The following AKR1C1 variants were observed in gnomAD, a reference collection of about 807,000 sequenced individuals.
AKR1C1 encodes aldo-keto reductase family 1 member C1, also known as 20 alpha-hydroxysteroid dehydrogenase.
AKR1C1 carries 32 observed loss-of-function variants against 40.6 expected under a neutral mutation model. The observed-to-expected ratio is 0.79, with a 90% CI of 0.60 to 1.06. The LOEUF is 1.06. Among genes scored for constraint, AKR1C1 ranks in the 50% least tolerant of loss-of-function variants. The pLI, the probability that AKR1C1 is intolerant of heterozygous loss-of-function variation, is 0.00. For synonymous variants in AKR1C1, 105 were observed against 134.2 expected (o/e 0.78, Z 1.50); for missense variants, 320 against 363.5 (o/e 0.88, Z 0.97).
At chr10:4,965,737 C>T in intron 1 of AKR1C1, 177 bp from the exon 2 acceptor site, 1 of 677,988 alleles carries the variant, frequency 1.5e-6, no homozygotes, top group South Asian at 2.8e-5. Flanking sequence ...CCTGCTGTGC[C>T]CAACCTTTAT....
At position 4,978,476 on chromosome 10, in the gene AKR1C1, G is replaced by C. The variant is rs1336564061; in HGVS notation, c.*734G>C. 1 of 151,968 alleles carries C rather than the reference G, an allele frequency of 6.6e-6. No individual in the cohort carries two copies. The highest frequency in any genetic ancestry group is 1.5e-5 in the Non-Finnish European group (1 of 68,018). 9.4% of individuals were successfully genotyped at this position (151,968 alleles called of 1,614,324 possible). ...CCACATTGTTTTAACAAACCCCACA[G>C]CTGAGAGTCAGGCCTGAATCTTTGA... On this transcript the variant is annotated 3_prime_UTR_variant, in exon 9 of 9. Transcript: ENST00000380872.
At chr10:4,967,118 T>C in intron 3 of AKR1C1, 75 bp downstream of exon 3, 1 of 1,453,524 alleles carries the variant, frequency 6.9e-7, no homozygotes, top group Non-Finnish European at 9.6e-7. Flanking sequence ...ATATTTGAAC[T>C]AAGCATTTTC....
At chr10:4,970,631 T>C (rs1836408963) in intron 5 of AKR1C1, among the ~76,000 whole-genome samples, 1 of 152,108 alleles carries the variant, frequency 6.6e-6, no homozygotes. Flanking sequence ...TATGCAGCCA[T>C]AAAAAATGAT....
chr10:4,968,031 A>G, intron 3 of AKR1C1: 1 of 358,048 alleles, frequency 2.8e-6, no homozygotes. Flanking sequence ...AAATTATAGG[A>G]GCAGAAGAAA....
chr10:4,982,237 C>T lies in AKR1C1; in HGVS notation c.*4495C>T, dbSNP rs1300822533. 6.6e-6 allele frequency: 1 copy of T among 152,194 alleles called. No individual in the cohort carries two copies. The highest frequency in any genetic ancestry group is 1.5e-5 in the Non-Finnish European group (1 of 68,110). The allele number at this position is 152,194 out of a possible 1,614,324, so 9.4% of individuals were successfully genotyped here. ...ATGCGGTTTGAGTGCTTTTACAAGG[C>T]CACAGGTGTCTCACGACCTGACCTC... On this transcript the variant is annotated 3_prime_UTR_variant, in exon 9 of 9. Coordinates refer to ENST00000380872, the MANE Select transcript of AKR1C1 (RefSeq NM_001353.6).
intron 7 of AKR1C1, among the ~76,000 whole-genome samples, chr10:4,972,972 G>A (rs1286454018): frequency 6.6e-6 from 1 of 152,276 alleles, no homozygotes; most frequent in Non-Finnish European, 1.5e-5. Context: ...TTGGGTTAGC[G>A]TTAAGTCAGT....
Position 4,978,757 on chromosome 10 carries a change from C to A in AKR1C1, c.*1015C>A, listed in dbSNP as rs1836567926. On this transcript the variant is annotated 3_prime_UTR_variant, in exon 9 of 9. Transcript: ENST00000380872. ...AAGATTAAAATGGGAAATAATACAT[C>A]TAATAAATCAAATGTTCCAAGACTT... The A allele has an allele frequency of 1.3e-5, 2 of 152,188 alleles. No homozygotes were observed. The highest frequency in any genetic ancestry group is 2.4e-5 in the African/African-American group (1 of 41,448). 9.4% of individuals were successfully genotyped at this position (152,188 alleles called of 1,614,324 possible).
At chr10:4,969,564 A>G in intron 5 of AKR1C1, 1 of 1,183,532 alleles carries the variant, frequency 8.4e-7, no homozygotes, top group Non-Finnish European at 1.2e-6. Context: ...GTTCAGCAGA[A>G]CATGGAGCTG....
intron 7 of AKR1C1, among the ~76,000 whole-genome samples, chr10:4,973,663 C>G (rs774008829): frequency 6.6e-6 from 1 of 152,102 alleles, no homozygotes; most frequent in Non-Finnish European, 1.5e-5. Context: ...TTGGAAGGAG[C>G]TGGAAATTCA....
chr10:4,964,320 C>G (rs1836295925), intron 1 of AKR1C1, among the ~76,000 whole-genome samples: 1 of 152,100 alleles, frequency 6.6e-6, no homozygotes, highest in African/African-American at 2.4e-5. Flanking sequence ...CTGATCTATA[C>G]AATATAAGGA....
chr10:4,965,166 T>C (rs544482678), intron 1 of AKR1C1, among the ~76,000 whole-genome samples: 86 of 152,382 alleles, frequency 5.6e-4, no homozygotes, highest in African/African-American at 1.9e-3. Flanking sequence ...CAGTGCATTC[T>C]GTGCAATATG....
At chr10:4,977,206 A>G (rs1259024216) in intron 8 of AKR1C1, among the ~76,000 whole-genome samples, 2 of 152,242 alleles carry the variant, frequency 1.3e-5, no homozygotes, top group Non-Finnish European at 2.9e-5. Flanking sequence ...CAAAAACAAC[A>G]ATTTACATTT....
chr10:4,971,799 A>G (rs1836433451), intron 5 of AKR1C1, among the ~76,000 whole-genome samples: 1 of 152,032 alleles, frequency 6.6e-6, no homozygotes, highest in African/African-American at 2.4e-5. Flanking sequence ...ATATACATGT[A>G]TGCATTTTTG....
Position 4,981,989 on chromosome 10 carries a change from A to G in AKR1C1, c.*4247A>G, listed in dbSNP as rs544096408. On this transcript the variant is annotated 3_prime_UTR_variant, in exon 9 of 9. Transcript: ENST00000380872. ...GCACTGCATGAATGAAAGGAATGAA[A>G]ATAGCCTTGCCAACTGCATAGGTGC... 2.0e-5 allele frequency: 3 copies of G among 152,414 alleles called. No individual in the cohort carries two copies. The East Asian group carries it at 5.8e-4, about 29-fold the overall frequency. The allele number at this position is 152,414 out of a possible 1,614,324, so 9.4% of individuals were successfully genotyped here.
In AKR1C1 at chr10:4,982,978, C is replaced by T; in HGVS notation, c.*5236C>T. The T allele has an allele frequency of 2.2e-6, 1 of 448,650 alleles. No individual in the cohort carries two copies. The highest frequency in any genetic ancestry group is 4.5e-6 in the Non-Finnish European group (1 of 223,870). 27.8% of individuals were successfully genotyped at this position (448,650 alleles called of 1,614,324 possible). A position where few individuals can be genotyped will look rare whatever the true frequency, so the allele number is the denominator to read the frequency against. On this transcript the variant is annotated 3_prime_UTR_variant, in exon 9 of 9. Coordinates refer to ENST00000380872, the MANE Select transcript of AKR1C1 (RefSeq NM_001353.6). Reference sequence around the variant, plus strand: ...GCCAGCACACTAAGCCTATCTACAGCCAGGGAGTCTCAGAGTCTACGTCAC... The same window carrying T: ...GCCAGCACACTAAGCCTATCTACAGTCAGGGAGTCTCAGAGTCTACGTCAC...
chr10:4,972,059 T>C (rs1208188764), intron 5 of AKR1C1, 142 bp from the exon 6 acceptor site: 54 of 1,199,024 alleles, frequency 4.5e-5, no homozygotes, highest in Non-Finnish European at 6.1e-5. Flanking sequence ...AAATTTATTT[T>C]TATGAAAAAG....
intron 5 of AKR1C1, among the ~76,000 whole-genome samples, chr10:4,970,618 T>A (rs1554769740): frequency 6.6e-6 from 1 of 152,096 alleles, no homozygotes; most frequent in Non-Finnish European, 1.5e-5. Context: ...CACCATGGAA[T>A]ACTATGCAGC....
At chr10:4,969,522 G>A (rs1194678055) in intron 5 of AKR1C1, among the ~76,000 whole-genome samples, 1 of 151,862 alleles carries the variant, frequency 6.6e-6, no homozygotes, top group Non-Finnish European at 1.5e-5. Context: ...GGAGATATCT[G>A]TTCACAGTGG....
chr10:4,964,732 A>G (rs1836305712), intron 1 of AKR1C1, among the ~76,000 whole-genome samples: 1 of 152,198 alleles, frequency 6.6e-6, no homozygotes, highest in Non-Finnish European at 1.5e-5. Context: ...TTTGCTAATC[A>G]CTTACTCCTT....
Sources: gnomAD v4.1 joint callset for allele counts (sites outside exome capture counted in the v4.1 genomes callset) on GRCh38, gnomAD v4.1.1 for gene constraint, MANE v1.5 for transcripts, NCBI Gene and HGNC (gene_info 2026-07-23, HGNC 2026-07-21) for gene names.